Variants in TRAK2 observed in about 807,000 individuals in gnomAD.
TRAK2 encodes trafficking kinesin-binding protein 2.
TRAK2 carries 81 observed loss-of-function variants against 104.6 expected under a neutral mutation model. That is an observed-to-expected ratio of 0.77 (90% CI 0.65 to 0.93). The LOEUF (loss-of-function observed/expected upper bound fraction) is 0.93. Ranked by LOEUF, TRAK2 falls within the 40% of genes least tolerant of loss-of-function variation. The probability of loss-of-function intolerance (pLI) is 0.00; values close to 1 mark genes in which losing one functional copy is unlikely to be tolerated. For missense variants in TRAK2, 1,002 were observed against 1,089.0 expected (o/e 0.92, Z 1.12); for synonymous variants, 406 against 394.4 (o/e 1.03, Z -0.35).
Position 201,398,304 on chromosome 2 carries a change from G to A in TRAK2, c.531C>T (p.Ile177=), listed in dbSNP as rs773601626. ...ELCKKDELLR[I]VSIASEESET... Reference sequence around the variant, plus strand: ...CACTTTCTTCAGAAGCAATGGAGACGATTCGAAGTAACTCATCTTTCTTGC... The same window carrying A: ...CACTTTCTTCAGAAGCAATGGAGACAATTCGAAGTAACTCATCTTTCTTGC... Residue 177 remains isoleucine, a synonymous_variant, in exon 6 of 16, where the codon ATC becomes ATT. Coordinates refer to ENST00000332624, the MANE Select transcript of TRAK2 (RefSeq NM_015049.3). The A allele has an allele frequency of 1.0e-4, 165 of 1,613,514 alleles. No individual in the cohort carries two copies. Among genetic ancestry groups the A allele is most frequent in the Non-Finnish European group, 1.0e-4 (121 of 1,179,680 alleles).
At chr2:201,393,272 GTGACTTCCTGA>G (rs1951465086) in intron 9 of TRAK2, among the ~76,000 whole-genome samples, 1 of 152,092 alleles carries the variant, frequency 6.6e-6, no homozygotes, top group South Asian at 2.1e-4. Context: ...ATACACGGAT[GTGACTTCCTGA>G]AAGTCTGAAA....
intron 4 of TRAK2, among the ~76,000 whole-genome samples, chr2:201,399,761 T>C (rs1951533904): frequency 6.6e-6 from 1 of 152,010 alleles, no homozygotes; most frequent in Non-Finnish European, 1.5e-5. Flanking sequence ...TCCTAGTAAA[T>C]TAAGAGTCTA....
intron 1 of TRAK2, among the ~76,000 whole-genome samples, chr2:201,427,367 T>C (rs1206619763): frequency 5.4e-5 from 7 of 129,478 alleles, no homozygotes; most frequent in Admixed American, 1.8e-4. Context: ...TATTCCCCAC[T>C]GTGTCCAAGT....
rs559927758 is a variant in TRAK2 at position 201,412,428 on chromosome 2, A to G, written c.92-4831T>C. On this transcript the variant is annotated intron_variant, in intron 2 of 15. Coordinates refer to ENST00000332624, the MANE Select transcript of TRAK2 (RefSeq NM_015049.3). ...CATGTTCACGAACTTCCTCAGGTAT[A>G]TTTATAAGTGAACTAGATCCTAAAT... The G allele has an allele frequency of 3.2e-6, 4 of 1,267,486 alleles. No individual in the cohort carries two copies. In the Admixed American group the frequency reaches 6.7e-5, roughly 21 times the overall value. The allele number at this position is 1,267,486 out of a possible 1,614,324, so 78.5% of individuals were successfully genotyped here.
Position 201,435,053 on chromosome 2 carries a change from ATTTC to A in TRAK2, c.-199-14351_-199-14348del, listed in dbSNP as rs548151249. Among the ~76,000 whole-genome samples, 94 of 152,162 alleles carry A rather than the reference ATTTC, an allele frequency of 6.2e-4. 1 individual carries two copies. The highest frequency in any genetic ancestry group is 2.2e-3 in the African/African-American group (92 of 41,516). Reference sequence around the variant, plus strand: ...GTCTCACATTCATAAGGCATTCTTGATTTCTTTCTTTTTTTTAATTTGAGACAGG... The same window carrying A: ...GTCTCACATTCATAAGGCATTCTTGATTTCTTTTTTTTAATTTGAGACAGG... On this transcript the variant is annotated intron_variant, in intron 1 of 15. Coordinates refer to ENST00000332624, the MANE Select transcript of TRAK2 (RefSeq NM_015049.3).
At chr2:201,391,746 G>A (rs1951449943) in intron 10 of TRAK2, among the ~76,000 whole-genome samples, 1 of 152,164 alleles carries the variant, frequency 6.6e-6, no homozygotes, top group African/African-American at 2.4e-5. Flanking sequence ...TTGAAACCAT[G>A]CTCTGAGAAT....
In TRAK2 at chr2:201,387,917, T is replaced by C. The variant is rs200709646; in HGVS notation, c.1482A>G (p.Gln494=). 12 of 1,614,188 alleles carry C rather than the reference T, an allele frequency of 7.4e-6. No individual in the cohort carries two copies. In the East Asian group the frequency reaches 2.2e-4, roughly 30 times the overall value. The change falls in exon 13 of 16, where the codon CAA becomes CAG. Residue 494 remains glutamine (Q), a synonymous_variant. Transcript: ENST00000332624. ...TALHRLSLRR[Q]NYLSEKQFFA... ...AGAACTGCTTCTCACTTAAATAGTT[T>C]TGTCGACGCAAGCTAAGGCGATGCA... is the stretch of plus-strand genomic sequence containing the variant.
At chr2:201,392,351 G>T (rs991325537) in intron 10 of TRAK2, among the ~76,000 whole-genome samples, 1 of 152,060 alleles carries the variant, frequency 6.6e-6, no homozygotes, top group Non-Finnish European at 1.5e-5. Flanking sequence ...AAAGTTCACA[G>T]GATTGCACAG....
chr2:201,420,660 A>G lies in TRAK2; in HGVS notation c.-153T>C. On this transcript the variant is annotated 5_prime_UTR_variant, in exon 2 of 16. Coordinates refer to ENST00000332624, the MANE Select transcript of TRAK2 (RefSeq NM_015049.3). ...CTCTGATGAGTCAAATGACATCCGTAGCAACGAGCACTCTCATGTGATTAT... is the reference window on the plus strand; with the variant it reads ...CTCTGATGAGTCAAATGACATCCGTGGCAACGAGCACTCTCATGTGATTAT... 1 of 621,480 alleles carries G rather than the reference A, an allele frequency of 1.6e-6. No homozygotes were observed. Among genetic ancestry groups the G allele is most frequent in the South Asian group, 1.9e-5 (1 of 52,232 alleles). The allele number at this position is 621,480 out of a possible 1,614,324, so 38.5% of individuals were successfully genotyped here.
intron 11 of TRAK2, 135 bp downstream of exon 11, chr2:201,389,666 A>G: frequency 9.3e-7 from 1 of 1,074,240 alleles, no homozygotes; most frequent in Non-Finnish European, 1.4e-6. Context: ...CTCACAAAAA[A>G]AGGACACTGT....
At position 201,380,328 on chromosome 2, in the gene TRAK2, G is replaced by A; in HGVS notation, c.*215C>T. Reference sequence around the variant, plus strand: ...TATTAAACCTTTCTTTTCTCCCTCTGAACACTCATGGCCCATTCATTTATA... The same window carrying A: ...TATTAAACCTTTCTTTTCTCCCTCTAAACACTCATGGCCCATTCATTTATA... On this transcript the variant is annotated 3_prime_UTR_variant, in exon 16 of 16. Coordinates refer to ENST00000332624, the MANE Select transcript of TRAK2 (RefSeq NM_015049.3). The A allele has an allele frequency of 1.7e-6, 1 of 586,678 alleles. No homozygotes were observed. The highest frequency in any genetic ancestry group is 2.8e-5 in the East Asian group (1 of 35,564). 36.3% of individuals were successfully genotyped at this position (586,678 alleles called of 1,614,324 possible).
intron 13 of TRAK2, among the ~76,000 whole-genome samples, 182 bp downstream of exon 13, chr2:201,387,521 A>C (rs185195698): frequency 6.6e-6 from 1 of 152,116 alleles, no homozygotes; most frequent in African/African-American, 2.4e-5. Context: ...AGAGAATGCA[A>C]CTCTCTTCAT....
intron 1 of TRAK2, among the ~76,000 whole-genome samples, chr2:201,432,768 G>A (rs886842018): frequency 6.6e-6 from 1 of 152,086 alleles, no homozygotes; most frequent in African/African-American, 2.4e-5. Flanking sequence ...AACAACTCTG[G>A]GAAAGTTCAC....
intron 3 of TRAK2, among the ~76,000 whole-genome samples, chr2:201,403,391 C>T (rs1441868271): frequency 2.0e-5 from 3 of 152,056 alleles, no homozygotes; most frequent in East Asian, 3.9e-4. Flanking sequence ...ATGATAATAA[C>T]GCTCATCTCA....
At chr2:201,394,463 C>T (rs1318913548) in intron 9 of TRAK2, among the ~76,000 whole-genome samples, 1 of 151,520 alleles carries the variant, frequency 6.6e-6, no homozygotes, top group Non-Finnish European at 1.5e-5. Context: ...TGCTTCGCCT[C>T]CTGGGTAGCT....
At chr2:201,389,046 G>A (rs1351593079) in intron 12 of TRAK2, among the ~76,000 whole-genome samples, 8 of 152,122 alleles carry the variant, frequency 5.3e-5, no homozygotes, top group African/African-American at 1.2e-4. Context: ...TCACCAAAGC[G>A]GTTGAGATTA....
Position 201,398,289 on chromosome 2 carries a change from A to G in TRAK2, c.546T>C (p.Ser182=), listed in dbSNP as rs1004538596. ...DELLRIVSIA[S]EESETDSSCS... The stretch of plus-strand genomic sequence containing the variant: ...AGCTGGAATCAGTTTCACTTTCTTC[A>G]GAAGCAATGGAGACGATTCGAAGTA... Residue 182 remains serine, a synonymous_variant, in exon 6 of 16, where the codon TCT becomes TCC. Coordinates refer to ENST00000332624, the MANE Select transcript of TRAK2 (RefSeq NM_015049.3). 4 of 1,613,776 alleles carry G rather than the reference A, an allele frequency of 2.5e-6. No homozygotes were observed. Among genetic ancestry groups the G allele is most frequent in the Non-Finnish European group, 3.4e-6 (4 of 1,179,720 alleles).
chr2:201,419,694 T>C (rs1013049634), intron 2 of TRAK2, among the ~76,000 whole-genome samples: 1 of 152,190 alleles, frequency 6.6e-6, no homozygotes. Flanking sequence ...TGAGTGTATT[T>C]TATTGTATCT....
intron 3 of TRAK2, among the ~76,000 whole-genome samples, chr2:201,404,248 T>G (rs1265279822): frequency 6.6e-6 from 1 of 152,220 alleles, no homozygotes; most frequent in African/African-American, 2.4e-5. Context: ...TTAAAATCAA[T>G]CCTATCAAAA....
Sources: allele counts gnomAD v4.1 joint callset (sites outside exome capture counted in the v4.1 genomes callset), GRCh38; gene constraint gnomAD v4.1.1; transcripts MANE v1.5; gene names NCBI Gene and HGNC (gene_info 2026-07-23, HGNC 2026-07-21).